NFATC1: variants seen among roughly 807,000 people sequenced by gnomAD.
NFATC1 encodes the protein nuclear factor of activated T cells 1, also known as nuclear factor of activated T-cells, cytoplasmic 1.
In NFATC1, 22 loss-of-function variants were observed where a neutral mutation model predicts 76.0. The observed-to-expected ratio is 0.29, with a 90% CI of 0.21 to 0.41. The LOEUF is 0.41. Among genes scored for constraint, NFATC1 ranks in the 10% least tolerant of loss-of-function variants. The pLI, the probability that NFATC1 is intolerant of heterozygous loss-of-function variation, is 1.00. For missense variants in NFATC1, 1,357 were observed against 1,337.7 expected (o/e 1.01, Z -0.23); for synonymous variants, 704 against 613.1 (o/e 1.15, Z -2.19).
intron 9 of NFATC1, among the ~76,000 whole-genome samples, chr18:79,488,739 G>A (rs2089595287): frequency 6.6e-6 from 1 of 152,210 alleles, no homozygotes; most frequent in Non-Finnish European, 1.5e-5. Context: ...CCCCTGCTTT[G>A]TCTCACGCGG....
chr18:79,401,147 C>G (rs887078391), intron 1 of NFATC1, among the ~76,000 whole-genome samples: 1 of 151,434 alleles, frequency 6.6e-6, no homozygotes, highest in East Asian at 2.0e-4. Context: ...GGGTGGGCAC[C>G]CCTGGGCCTG....
chr18:79,488,556 A>G (rs758546222), intron 9 of NFATC1, among the ~76,000 whole-genome samples: 3 of 152,064 alleles, frequency 2.0e-5, no homozygotes, highest in Non-Finnish European at 4.4e-5. Context: ...GTCGTCCTGA[A>G]GTTCTTACTG....
intron 8 of NFATC1, among the ~76,000 whole-genome samples, chr18:79,474,501 C>T (rs890953270): frequency 4.7e-5 from 7 of 147,578 alleles, no homozygotes; most frequent in African/African-American, 7.7e-5. Flanking sequence ...CACTCACTGT[C>T]GACGTTGCAA....
intron 4 of NFATC1, among the ~76,000 whole-genome samples, chr18:79,449,637 C>T (rs1024619892): frequency 2.6e-5 from 4 of 152,114 alleles, no homozygotes; most frequent in Admixed American, 2.0e-4. Context: ...TGAGCTGGGA[C>T]GGCTGGAACG....
intron 2 of NFATC1, among the ~76,000 whole-genome samples, chr18:79,432,197 T>A (rs2086614483): frequency 6.6e-6 from 1 of 152,206 alleles, no homozygotes. Flanking sequence ...TGACGTAGAA[T>A]GATGGTCAGC....
rs1245285157 is a variant in NFATC1, at chr18:79,465,687, T to C, written c.1960-1763T>C. Among the ~76,000 whole-genome samples, 1 of 152,256 alleles carries C rather than the reference T, an allele frequency of 6.6e-6. No individual in the cohort carries two copies. The highest frequency in any genetic ancestry group is 6.5e-5 in the Admixed American group (1 of 15,292). ...CCTTCTTGTCTCTTCCCTCAGCTGC[T>C]TCTGCTCTAAAGACCCACCTGGTGT... is the stretch of plus-strand genomic sequence containing the variant. On this transcript the variant is annotated intron_variant, in intron 7 of 9. Transcript: ENST00000427363. The surrounding 1 kb of genome is among the most constrained non-coding windows in gnomAD (Gnocchi z 4.2).
intron 2 of NFATC1, among the ~76,000 whole-genome samples, chr18:79,426,200 G>A (rs73494217): frequency 0.11 from 16,126 of 151,896 alleles, 1,107 homozygotes; most frequent in Non-Finnish European, 0.15. Flanking sequence ...ATAATCCTGC[G>A]ATTGAGAATC....
chr18:79,429,374 T>A (rs2086509235), intron 2 of NFATC1, among the ~76,000 whole-genome samples: 1 of 152,144 alleles, frequency 6.6e-6, no homozygotes, highest in Admixed American at 6.5e-5. Flanking sequence ...CGAGCTTTTT[T>A]TTTTATTTTT....
At chr18:79,414,575 G>GT (rs2085811423) in intron 2 of NFATC1, among the ~76,000 whole-genome samples, 4 of 152,324 alleles carry the variant, frequency 2.6e-5, no homozygotes, top group African/African-American at 9.6e-5. Context: ...TGTTTGTGAA[G>GT]TTAGTAAGAG....
In NFATC1 at chr18:79,424,817, CTCTCTGTCTCTCTCCATCTCTG is replaced by C. The variant is rs774115419; in HGVS notation, c.1227-8754_1227-8733del. On this transcript the variant is annotated intron_variant, in intron 2 of 9. Transcript: ENST00000427363. ...ACTCTCTGTGTCTGTCTGTCTCTGT[CTCTCTGTCTCTCTCCATCTCTG>C]TCTCTGTTTCTCTGTCTCTCTCTGT... 5.6e-3 allele frequency among the ~76,000 whole-genome samples: 767 copies of C among 136,884 alleles called. 7 individuals carry two copies. Among genetic ancestry groups the C allele is most frequent in the Non-Finnish European group, 9.0e-3 (544 of 60,574 alleles). 89.8% of individuals were successfully genotyped at this position (136,884 alleles called of 152,430 possible). A position where few individuals can be genotyped will look rare whatever the true frequency, so the allele number is the denominator to read the frequency against.
rs2090702904 is a variant in NFATC1 at position 79,524,633 on chromosome 18, C to A, written c.2783-2895C>A. ...CTGCCGCTGGCTCCTTAGGCCTCGA[C>A]AGCTCTCTTGAGGTCGGCCCTCCTC... On this transcript the variant is annotated intron_variant, in intron 9 of 9. Transcript: ENST00000427363. The surrounding 1 kb of genome is among the most constrained non-coding windows in gnomAD (Gnocchi z 7.2). 1.3e-5 allele frequency among the ~76,000 whole-genome samples: 2 copies of A among 152,164 alleles called. No individual in the cohort carries two copies. The highest frequency in any genetic ancestry group is 4.1e-4 in the South Asian group (2 of 4,832).
At chr18:79,458,461 C>G (rs1007106799) in intron 6 of NFATC1, among the ~76,000 whole-genome samples, 1 of 151,948 alleles carries the variant, frequency 6.6e-6, no homozygotes, top group Non-Finnish European at 1.5e-5. Flanking sequence ...TCAGCACCGG[C>G]GTGGGGGTGG....
chr18:79,451,830 C>T lies in NFATC1; in HGVS notation c.1903+14C>T. ...AGAAAGCCCCAGGTATGCTCTTCAC[C>T]AGGGGCCATCTGCGGCCTGGGCTTC... On this transcript the variant is annotated intron_variant, in intron 6 of 9. Transcript: ENST00000427363. The T allele has an allele frequency of 1.9e-6, 3 of 1,594,496 alleles. No homozygotes were observed. Among genetic ancestry groups the T allele is most frequent in the South Asian group, 2.3e-5 (2 of 87,934 alleles).
chr18:79,436,755 T>C (rs1241744695), intron 3 of NFATC1, among the ~76,000 whole-genome samples: 1 of 151,712 alleles, frequency 6.6e-6, no homozygotes, highest in African/African-American at 2.4e-5. Flanking sequence ...TCCGGGTACC[T>C]GTGGGCGCTG....
At chr18:79,408,018 CCT>C (rs759936393) in intron 1 of NFATC1, among the ~76,000 whole-genome samples, 5 of 152,206 alleles carry the variant, frequency 3.3e-5, no homozygotes, top group East Asian at 3.8e-4. Context: ...GGCTCTGCCC[CCT>C]GAGTGTCTGG....
At chr18:79,399,183 G>C (rs765557433) in intron 1 of NFATC1, among the ~76,000 whole-genome samples, 9 of 152,228 alleles carry the variant, frequency 5.9e-5, no homozygotes, top group Non-Finnish European at 1.2e-4. Flanking sequence ...ACAAAACAAC[G>C]CTCCAACATC....
At chr18:79,470,090 C>T in intron 8 of NFATC1, 1 of 817,344 alleles carries the variant, frequency 1.2e-6, no homozygotes, top group South Asian at 5.6e-5. Flanking sequence ...TCTGAGGACG[C>T]CGAGGCCGCT....
At chr18:79,464,025 T>A (rs2088294820) in intron 7 of NFATC1, among the ~76,000 whole-genome samples, 1 of 152,268 alleles carries the variant, frequency 6.6e-6, no homozygotes, top group South Asian at 2.1e-4. Context: ...AACAGCTGTA[T>A]GTTTTAAAAG....
At chr18:79,427,948 G>A (rs1486309568) in intron 2 of NFATC1, among the ~76,000 whole-genome samples, 2 of 139,882 alleles carry the variant, frequency 1.4e-5, no homozygotes, top group Non-Finnish European at 3.1e-5. Flanking sequence ...CTGGACAGCT[G>A]GCCTCTGTGC....
Sources: allele counts gnomAD v4.1 joint callset (sites outside exome capture counted in the v4.1 genomes callset), GRCh38; gene constraint gnomAD v4.1.1; non-coding constraint Gnocchi (gnomAD v3.1); transcripts MANE v1.5; gene names NCBI Gene and HGNC (gene_info 2026-07-23, HGNC 2026-07-21).